The following SV2B variants were observed in gnomAD, a reference collection of about 807,000 sequenced individuals.
The protein encoded by SV2B is solute carrier family 22 member B2.
SV2B carries 41 observed loss-of-function variants against 73.9 expected under a neutral mutation model. The observed-to-expected ratio is 0.56, with a 90% CI of 0.43 to 0.72. SV2B has a LOEUF of 0.72. Ranked by LOEUF, SV2B falls within the 30% of genes least tolerant of loss-of-function variation. The pLI is 0.00. For missense variants in SV2B, 764 were observed against 857.8 expected, an observed-to-expected ratio of 0.89 and a Z score of 1.37; for synonymous variants, 314 against 314.2, an observed-to-expected ratio of 1.00 and a Z score of 0.01.
In SV2B at chr15:91,288,229, A is replaced by G. The variant is rs1021421588; in HGVS notation, c.1709-1292A>G. On this transcript the variant is annotated intron_variant, in intron 11 of 12. Transcript: ENST00000394232. This position sits in a 1 kb window ranked among gnomAD's most constrained non-coding sequence, Gnocchi z 5.8. ...ACAGGTGTGTTCTCACCAGGTTATA[A>G]GCTCCATGAGAATGGATTTTTTTAA... Among the ~76,000 whole-genome samples the G allele has an allele frequency of 2.6e-4, 39 of 152,208 alleles. No individual in the cohort carries two copies. The highest frequency in any genetic ancestry group is 8.7e-4 in the African/African-American group (36 of 41,532).
chr15:91,281,522 C>T lies in SV2B; in HGVS notation c.1374-206C>T, dbSNP rs370452430. Among the ~76,000 whole-genome samples the T allele has an allele frequency of 1.8e-4, 28 of 152,318 alleles. 1 individual carries two copies. Among genetic ancestry groups the T allele is most frequent in the Non-Finnish European group, 3.1e-4 (21 of 68,036 alleles). ...GTGCATAGCACTCCGTATGCACCTA[C>T]GCTAGACACTGGCTTCCAGGTCCTG... is the stretch of plus-strand genomic sequence containing the variant. On this transcript the variant is annotated intron_variant, in intron 9 of 12. Coordinates refer to ENST00000394232, the MANE Select transcript of SV2B (RefSeq NM_001323032.3). This position sits in a 1 kb window ranked among gnomAD's most constrained non-coding sequence, Gnocchi z 4.7.
At chr15:91,257,713 C>T (rs141793362) in intron 4 of SV2B, among the ~76,000 whole-genome samples, 17 of 152,296 alleles carry the variant, frequency 1.1e-4, no homozygotes, top group South Asian at 4.1e-4. Context: ...AGCCCTGGGT[C>T]GTATGAGGCC....
intron 1 of SV2B, among the ~76,000 whole-genome samples, chr15:91,153,468 C>G (rs966715878): frequency 6.6e-6 from 1 of 152,088 alleles, no homozygotes; most frequent in Admixed American, 6.6e-5. Context: ...TTTAGCTTCC[C>G]CAAGGCTCAA....
Position 91,281,236 on chromosome 15 carries a change from T to A in SV2B, c.1374-492T>A, listed in dbSNP as rs2048672021. On this transcript the variant is annotated intron_variant, in intron 9 of 12. Coordinates refer to ENST00000394232, the MANE Select transcript of SV2B (RefSeq NM_001323032.3). This position sits in a 1 kb window ranked among gnomAD's most constrained non-coding sequence, Gnocchi z 4.7. The stretch of plus-strand genomic sequence containing the variant: ...AAAATTGCTCCCCAAAGAGGCTGCA[T>A]GGATTATATTCTACCAATAGTATGA... Among the ~76,000 whole-genome samples, 1 of 152,194 alleles carries A rather than the reference T, an allele frequency of 6.6e-6. No homozygotes were observed. The highest frequency in any genetic ancestry group is 2.4e-5 in the African/African-American group (1 of 41,436).
chr15:91,151,083 T>A (rs2043301407), intron 1 of SV2B, among the ~76,000 whole-genome samples: 1 of 152,244 alleles, frequency 6.6e-6, no homozygotes, highest in Admixed American at 6.5e-5. Flanking sequence ...ACCATGGAGC[T>A]GCCTCACCAT....
At chr15:91,142,807 A>G (rs1314743676) in intron 1 of SV2B, among the ~76,000 whole-genome samples, 2 of 152,374 alleles carry the variant, frequency 1.3e-5, no homozygotes, top group African/African-American at 4.8e-5. Flanking sequence ...TACTTCTACC[A>G]TAGAGGACAG....
chr15:91,183,196 A>T (rs2044649620), intron 1 of SV2B, among the ~76,000 whole-genome samples: 1 of 152,252 alleles, frequency 6.6e-6, no homozygotes, highest in African/African-American at 2.4e-5. Flanking sequence ...CTGAAGGATG[A>T]AAAATGAAAA....
intron 2 of SV2B, among the ~76,000 whole-genome samples, chr15:91,247,257 G>A (rs2047271577): frequency 1.3e-5 from 2 of 152,212 alleles, no homozygotes; most frequent in South Asian, 2.1e-4. Context: ...TTCTGGGCAA[G>A]TTATTGACCC....
chr15:91,231,625 A>T lies in SV2B; in HGVS notation c.451+4911A>T, dbSNP rs2046577866. Among the ~76,000 whole-genome samples, 1 of 152,242 alleles carries T rather than the reference A, an allele frequency of 6.6e-6. No individual in the cohort carries two copies. Among genetic ancestry groups the T allele is most frequent in the Non-Finnish European group, 1.5e-5 (1 of 68,028 alleles). On this transcript the variant is annotated intron_variant, in intron 2 of 12. Transcript: ENST00000394232. This position sits in a 1 kb window ranked among gnomAD's most constrained non-coding sequence, Gnocchi z 4.5. ...GCCTGCATTTGATAAATTGACACCA[A>T]TTTTTCACAACTGCAAATAAGCACC...
intron 1 of SV2B, among the ~76,000 whole-genome samples, chr15:91,190,327 G>T: frequency 7.8e-6 from 1 of 127,888 alleles, no homozygotes; most frequent in African/African-American, 2.8e-5. Flanking sequence ...TTCATTTTCA[G>T]TGTTTTCTTT....
intron 1 of SV2B, among the ~76,000 whole-genome samples, chr15:91,177,799 C>A (rs1362639189): frequency 1.5e-5 from 2 of 129,204 alleles, no homozygotes; most frequent in Non-Finnish European, 3.3e-5. Flanking sequence ...TGGGCTGAGA[C>A]AATGGGGTTT....
rs931102553 is a variant in SV2B, at chr15:91,296,892, T to C, written c.*4340T>C. On this transcript the variant is annotated 3_prime_UTR_variant, in exon 13 of 13. Transcript: ENST00000394232. ...GCCCGATCGTTGGGCGCACGCTCCT[T>C]CTGCCCGATCGTTGGGCGCATGCTC... 2 of 149,756 alleles carry C rather than the reference T, an allele frequency of 1.3e-5. No homozygotes were observed. The highest frequency in any genetic ancestry group is 2.1e-4 in the East Asian group (1 of 4,710). 9.3% of individuals were successfully genotyped at this position (149,756 alleles called of 1,614,324 possible). A position where few individuals can be genotyped will look rare whatever the true frequency, so the allele number is the denominator to read the frequency against.
rs1337628738 is a variant in SV2B, at chr15:91,283,446, T to G, written c.1508-575T>G. ...TATCCAGCTGGAGAGATGATTTTTT[T>G]TTTTTTAAAGGCAAGGTCTCCCTCT... On this transcript the variant is annotated intron_variant, in intron 10 of 12. Transcript: ENST00000394232. The surrounding 1 kb of genome is among the most constrained non-coding windows in gnomAD (Gnocchi z 4.3). Among the ~76,000 whole-genome samples, 1 of 152,052 alleles carries G rather than the reference T, an allele frequency of 6.6e-6. No individual in the cohort carries two copies. Among genetic ancestry groups the G allele is most frequent in the Non-Finnish European group, 1.5e-5 (1 of 68,006 alleles).
At chr15:91,169,202 C>T (rs1472919419) in intron 1 of SV2B, among the ~76,000 whole-genome samples, 2 of 152,112 alleles carry the variant, frequency 1.3e-5, no homozygotes, top group East Asian at 3.9e-4. Flanking sequence ...CTCCAGGGAC[C>T]ATGCCGAGGG....
At position 91,229,724 on chromosome 15, in the gene SV2B, T is replaced by C. The variant is rs1028150923; in HGVS notation, c.451+3010T>C. ...CTAATCAGTGCTCAAGATATCTTAG[T>C]TATTATTATTGTCGATTGTGGTTGT... On this transcript the variant is annotated intron_variant, in intron 2 of 12. Coordinates refer to ENST00000394232, the MANE Select transcript of SV2B (RefSeq NM_001323032.3). The surrounding 1 kb of genome is among the most constrained non-coding windows in gnomAD (Gnocchi z 4.3). 1.3e-5 allele frequency among the ~76,000 whole-genome samples: 2 copies of C among 152,200 alleles called. No homozygotes were observed. The highest frequency in any genetic ancestry group is 4.8e-5 in the African/African-American group (2 of 41,456).
chr15:91,115,882 A>G lies in SV2B; in HGVS notation c.-392+15519A>G, dbSNP rs947297326. Reference sequence around the variant, plus strand: ...TAGGCATCAGAGTTAATGATAGGTAAGGAAAACGTGATCTCTGCCCTCAGG... The same window carrying G: ...TAGGCATCAGAGTTAATGATAGGTAGGGAAAACGTGATCTCTGCCCTCAGG... On this transcript the variant is annotated intron_variant, in intron 1 of 12. Transcript: ENST00000394232. The surrounding 1 kb of genome is among the most constrained non-coding windows in gnomAD (Gnocchi z 4.3). Among the ~76,000 whole-genome samples the G allele has an allele frequency of 7.2e-5, 11 of 152,200 alleles. No individual in the cohort carries two copies. The highest frequency in any genetic ancestry group is 2.7e-4 in the African/African-American group (11 of 41,444).
intron 1 of SV2B, among the ~76,000 whole-genome samples, chr15:91,149,835 CAAG>C (rs1292838116): frequency 1.3e-5 from 2 of 152,168 alleles, no homozygotes; most frequent in African/African-American, 2.4e-5. Flanking sequence ...GGTTCCCTCC[CAAG>C]AAGATGACCT....
At chr15:91,221,101 A>G (rs896339416) in intron 1 of SV2B, among the ~76,000 whole-genome samples, 1 of 152,116 alleles carries the variant, frequency 6.6e-6, no homozygotes, top group Admixed American at 6.6e-5. Context: ...CCTGGAATCA[A>G]GCAATCCTCC....
At chr15:91,133,855 T>C (rs1362409603) in intron 1 of SV2B, among the ~76,000 whole-genome samples, 6 of 152,142 alleles carry the variant, frequency 3.9e-5, no homozygotes, top group South Asian at 2.1e-4. Context: ...AGTGCACTTA[T>C]GGTGATCACA....
Sources: gnomAD v4.1 joint callset for allele counts (sites outside exome capture counted in the v4.1 genomes callset) on GRCh38, gnomAD v4.1.1 for gene constraint, Gnocchi (gnomAD v3.1) non-coding constraint, MANE v1.5 for transcripts, NCBI Gene and HGNC (gene_info 2026-07-23, HGNC 2026-07-21) for gene names.